Variants in TMEM87A observed in about 807,000 individuals in gnomAD.
The protein encoded by TMEM87A is Golgi-pH regulating cation channel.
A neutral mutation model predicts 90.0 loss-of-function variants in TMEM87A; 50 were observed. The ratio of observed to expected loss-of-function variants is 0.56; its 90% CI spans 0.44 to 0.70. The LOEUF is 0.70. Ranked by LOEUF, TMEM87A falls within the 30% of genes least tolerant of loss-of-function variation. The pLI is 0.00. For missense variants in TMEM87A, 577 were observed against 660.5 expected (o/e 0.87, Z 1.39); for synonymous variants, 226 against 226.7 (o/e 1.00, Z 0.03).
intron 6 of TMEM87A, among the ~76,000 whole-genome samples, chr15:42,246,733 G>A (rs989406752): frequency 4.6e-5 from 7 of 152,216 alleles, no homozygotes; most frequent in East Asian, 1.9e-4. Context: ...TTGCTATTGC[G>A]AACAGTGCTG....
intron 5 of TMEM87A, 32 bp downstream of exon 5, chr15:42,261,164 C>T: frequency 6.2e-7 from 1 of 1,606,518 alleles, no homozygotes; most frequent in Non-Finnish European, 8.5e-7. Context: ...GTTTTTACTG[C>T]ACTCTCAGAA....
intron 19 of TMEM87A, among the ~76,000 whole-genome samples, chr15:42,215,169 T>C (rs115259199): frequency 2.6e-3 from 401 of 152,338 alleles, no homozygotes; most frequent in African/African-American, 9.3e-3. Flanking sequence ...AGTATTTGGG[T>C]ATCTAAAGTT....
chr15:42,227,237 A>G (rs543629050), intron 14 of TMEM87A, among the ~76,000 whole-genome samples: 39 of 152,318 alleles, frequency 2.6e-4, no homozygotes, highest in African/African-American at 9.4e-4. Flanking sequence ...AGAAAGTTAC[A>G]TTAGGTTGGT....
At chr15:42,232,081 C>G (rs2050694937) in intron 11 of TMEM87A, among the ~76,000 whole-genome samples, 1 of 152,174 alleles carries the variant, frequency 6.6e-6, no homozygotes, top group Admixed American at 6.5e-5. Context: ...GAGCCGTTTT[C>G]TTGTGGGCAA....
Position 42,243,996 on chromosome 15 carries a change from A to G in TMEM87A, c.622+54T>C, listed in dbSNP as rs16972930. On this transcript the variant is annotated intron_variant, in intron 7 of 19. Coordinates refer to ENST00000389834, the MANE Select transcript of TMEM87A (RefSeq NM_015497.5). ...TAATAAAAAAGCATATGTAAAGTAC[A>G]TGAATGACATAACCAGATAATAACA... The G allele has an allele frequency of 4.9e-3, 5,320 of 1,087,102 alleles. 39 individuals are homozygous for G. The highest frequency in any genetic ancestry group is 0.027 in the Middle Eastern group (93 of 3,400). 67.3% of individuals were successfully genotyped at this position (1,087,102 alleles called of 1,614,324 possible).
intron 7 of TMEM87A, among the ~76,000 whole-genome samples, chr15:42,240,716 T>C (rs2050852720): frequency 6.6e-6 from 1 of 152,208 alleles, no homozygotes; most frequent in Admixed American, 6.5e-5. Flanking sequence ...TGATCATCCC[T>C]AGAGACAGAC....
chr15:42,238,379 C>A (rs1006858120), intron 8 of TMEM87A, among the ~76,000 whole-genome samples: 3 of 151,810 alleles, frequency 2.0e-5, no homozygotes, highest in African/African-American at 7.3e-5. Context: ...ACCAGCCTGG[C>A]CAAAACATGG....
At chr15:42,258,726 C>A in intron 6 of TMEM87A, 1 of 1,381,392 alleles carries the variant, frequency 7.2e-7, no homozygotes, top group Non-Finnish European at 9.4e-7. Context: ...TGTACCCAGT[C>A]CTAATGGCTA....
At chr15:42,256,010 C>T (rs185989421) in intron 6 of TMEM87A, among the ~76,000 whole-genome samples, 3 of 150,682 alleles carry the variant, frequency 2.0e-5, no homozygotes, top group Admixed American at 1.3e-4. Context: ...GAACTCCTGA[C>T]ATCAGGTGAT....
chr15:42,228,468 G>A (rs1332964665), intron 13 of TMEM87A, among the ~76,000 whole-genome samples: 1 of 152,188 alleles, frequency 6.6e-6, no homozygotes, highest in Non-Finnish European at 1.5e-5. Context: ...AAGAAAGAAT[G>A]CAAATAGAAG....
At chr15:42,271,338 GC>G (rs767442899) in intron 2 of TMEM87A, among the ~76,000 whole-genome samples, 11 of 152,148 alleles carry the variant, frequency 7.2e-5, no homozygotes, top group African/African-American at 2.4e-4. Context: ...GGTCATGTTT[GC>G]AGTAAACATT....
chr15:42,221,403 A>C (rs941417489), intron 15 of TMEM87A, among the ~76,000 whole-genome samples: 5 of 152,222 alleles, frequency 3.3e-5, no homozygotes, highest in Admixed American at 3.3e-4. Context: ...CGTAAGAGTC[A>C]CAAATTTAAA....
At chr15:42,242,931 G>A (rs528956740) in intron 7 of TMEM87A, among the ~76,000 whole-genome samples, 2 of 152,224 alleles carry the variant, frequency 1.3e-5, no homozygotes, top group African/African-American at 4.8e-5. Context: ...AGTAACGGTG[G>A]CTGCCATCAT....
At chr15:42,220,945 C>T (rs992449200) in intron 15 of TMEM87A, among the ~76,000 whole-genome samples, 7 of 152,100 alleles carry the variant, frequency 4.6e-5, no homozygotes, top group African/African-American at 1.7e-4. Context: ...GCGCCCGCCA[C>T]GATGCCTGGC....
chr15:42,211,911 C>G (rs908440316), intron 19 of TMEM87A, among the ~76,000 whole-genome samples, 162 bp from the exon 20 acceptor site: 3 of 152,138 alleles, frequency 2.0e-5, no homozygotes, highest in African/African-American at 7.2e-5. Context: ...TTTGAACATA[C>G]AGATGTCCAG....
chr15:42,231,990 A>G (rs2140934795), intron 11 of TMEM87A: 2 of 787,714 alleles, frequency 2.5e-6, no homozygotes, highest in East Asian at 8.5e-5. Flanking sequence ...AGAATTACAT[A>G]CAGAGGACAG....
intron 4 of TMEM87A, among the ~76,000 whole-genome samples, chr15:42,263,463 G>T (rs561017878): frequency 3.3e-5 from 5 of 152,248 alleles, no homozygotes; most frequent in African/African-American, 9.6e-5. Flanking sequence ...CTAGAGATGG[G>T]GCTCAGCCCG....
chr15:42,238,003 ATATGTGTGTG>A (rs144401063), intron 8 of TMEM87A, among the ~76,000 whole-genome samples: 26,327 of 150,398 alleles, frequency 0.18, 3,961 homozygotes, highest in African/African-American at 0.4. Context: ...GTATATATAT[ATATGTGTGTG>A]TGTGTGTGTG....
chr15:42,220,991 T>C (rs1297261216), intron 15 of TMEM87A, among the ~76,000 whole-genome samples: 1 of 151,922 alleles, frequency 6.6e-6, no homozygotes, highest in Admixed American at 6.6e-5. Flanking sequence ...AATACAAAAA[T>C]TAGCTGGGCG....
Sources: gnomAD v4.1 joint callset for allele counts (sites outside exome capture counted in the v4.1 genomes callset) on GRCh38, gnomAD v4.1.1 for gene constraint, MANE v1.5 for transcripts, NCBI Gene and HGNC (gene_info 2026-07-23, HGNC 2026-07-21) for gene names.